The following FBXO33 variants were observed in gnomAD, a reference collection of about 807,000 sequenced individuals.
FBXO33 encodes the protein F-box only protein 33.
In FBXO33, 22 loss-of-function variants were observed where a neutral mutation model predicts 46.3. The observed-to-expected ratio is 0.48, with a 90% CI of 0.34 to 0.68. FBXO33 has a LOEUF of 0.68. Among genes scored for constraint, FBXO33 ranks in the 30% least tolerant of loss-of-function variants. FBXO33 has a pLI of 0.01. For missense variants in FBXO33, 692 were observed against 708.8 expected (o/e 0.98, Z 0.27); for synonymous variants, 337 against 291.3 (o/e 1.16, Z -1.60).
Position 39,402,495 on chromosome 14 carries a change from T to G in FBXO33, c.616A>C (p.Ser206Arg). ...AGAACACTTATGTCTCCAAAAAGACTAAACTTCTGAAGGTTCCTACAAGAA... is the reference window on the plus strand; with the variant it reads ...AGAACACTTATGTCTCCAAAAAGACGAAACTTCTGAAGGTTCCTACAAGAA... Reference protein sequence around the residue: ...IRNNRNLQKFSLFGDISVLQQ... With the variant: ...IRNNRNLQKFRLFGDISVLQQ... Residue 206 changes from serine to arginine, a missense_variant, in exon 2 of 4, where the codon AGT (serine) becomes CGT (arginine). Ser to Arg is a moderately radical substitution (Grantham distance 110, BLOSUM62 -1). This residue lies in a region of FBXO33 where 412 missense variants were observed against 370.8 expected (regional missense o/e 1.11). Transcript: ENST00000298097. 2.6e-6 allele frequency: 4 copies of G among 1,528,418 alleles called. No homozygotes were observed. Among genetic ancestry groups the G allele is most frequent in the Non-Finnish European group, 3.5e-6 (4 of 1,135,776 alleles). 94.7% of individuals were successfully genotyped at this position (1,528,418 alleles called of 1,614,324 possible). A position where few individuals can be genotyped will look rare whatever the true frequency, so the allele number is the denominator to read the frequency against.
At chr14:39,409,662 T>C (rs2075413839) in intron 1 of FBXO33, among the ~76,000 whole-genome samples, 1 of 152,210 alleles carries the variant, frequency 6.6e-6, no homozygotes, top group Non-Finnish European at 1.5e-5. Flanking sequence ...TAGACTGCTT[T>C]GGGTAGTATG....
chr14:39,410,888 G>A (rs772778301), intron 1 of FBXO33, among the ~76,000 whole-genome samples: 2 of 152,022 alleles, frequency 1.3e-5, no homozygotes, highest in Admixed American at 6.6e-5. Context: ...CTTTCACTTC[G>A]AGTCTTTTTT....
At chr14:39,428,799 A>T (rs958957696) in intron 1 of FBXO33, among the ~76,000 whole-genome samples, 6 of 152,186 alleles carry the variant, frequency 3.9e-5, no homozygotes, top group Non-Finnish European at 5.9e-5. Context: ...TGTTGTTTGC[A>T]CTTCTAGGTA....
intron 1 of FBXO33, among the ~76,000 whole-genome samples, chr14:39,429,429 C>A (rs1215239145): frequency 1.3e-5 from 2 of 152,148 alleles, no homozygotes; most frequent in African/African-American, 4.8e-5. Flanking sequence ...AAATAATAGG[C>A]TTTACTAGTC....
intron 1 of FBXO33, among the ~76,000 whole-genome samples, chr14:39,414,498 C>CTGTT (rs1327961854): frequency 2.6e-5 from 4 of 152,194 alleles, no homozygotes; most frequent in African/African-American, 9.7e-5. Context: ...CACAACTTGC[C>CTGTT]TGTTTGGTAC....
intron 1 of FBXO33, among the ~76,000 whole-genome samples, chr14:39,427,181 T>C (rs1266443985): frequency 6.6e-6 from 1 of 152,218 alleles, no homozygotes; most frequent in African/African-American, 2.4e-5. Flanking sequence ...ATTTTAACTT[T>C]TTTTTCCTTG....
At chr14:39,413,687 G>C (rs541420602) in intron 1 of FBXO33, among the ~76,000 whole-genome samples, 1 of 152,188 alleles carries the variant, frequency 6.6e-6, no homozygotes, top group Non-Finnish European at 1.5e-5. Flanking sequence ...CAGAACAGAT[G>C]CTGTGTTCGC....
rs2075568953 is a variant in FBXO33, at chr14:39,432,397, C to A, written c.-235G>T. 3.8e-6 allele frequency: 1 copy of A among 263,822 alleles called. No homozygotes were observed. The highest frequency in any genetic ancestry group is 7.1e-6 in the Non-Finnish European group (1 of 141,398). 16.3% of individuals were successfully genotyped at this position (263,822 alleles called of 1,614,324 possible). ...AAGGCGTACTGTAAGGAAAAGGCAGCCCTCCCTGCGCCGGTCGGCAGAGAC... is the reference window on the plus strand; with the variant it reads ...AAGGCGTACTGTAAGGAAAAGGCAGACCTCCCTGCGCCGGTCGGCAGAGAC... On this transcript the variant is annotated 5_prime_UTR_variant, in exon 1 of 4. Transcript: ENST00000298097.
chr14:39,411,830 C>T (rs2075424729), intron 1 of FBXO33, among the ~76,000 whole-genome samples: 1 of 152,068 alleles, frequency 6.6e-6, no homozygotes, highest in African/African-American at 2.4e-5. Flanking sequence ...CCTTGACTTC[C>T]CTTTTAATAT....
intron 1 of FBXO33, among the ~76,000 whole-genome samples, chr14:39,428,500 C>A (rs1039981576): frequency 6.6e-6 from 1 of 151,898 alleles, no homozygotes; most frequent in Non-Finnish European, 1.5e-5. Flanking sequence ...CCACCCCTGG[C>A]CAACGATATG....
In FBXO33 at chr14:39,399,148, A is replaced by G. The variant is rs1296941078; in HGVS notation, c.*368T>C. The stretch of plus-strand genomic sequence containing the variant: ...TACCAGGCTATGGATATATATCTAT[A>G]TATGTATAAAAATATTTTGGCTCCT... On this transcript the variant is annotated 3_prime_UTR_variant, in exon 4 of 4. Coordinates refer to ENST00000298097, the MANE Select transcript of FBXO33 (RefSeq NM_203301.4). 1.3e-5 allele frequency: 2 copies of G among 159,850 alleles called. No individual in the cohort carries two copies. The highest frequency in any genetic ancestry group is 1.8e-4 in the East Asian group (1 of 5,440). 9.9% of individuals were successfully genotyped at this position (159,850 alleles called of 1,614,324 possible).
At chr14:39,429,761 G>T (rs1249522126) in intron 1 of FBXO33, among the ~76,000 whole-genome samples, 1 of 152,168 alleles carries the variant, frequency 6.6e-6, no homozygotes, top group Non-Finnish European at 1.5e-5. Context: ...TTTTTGCATA[G>T]AAGTGATAGC....
chr14:39,404,076 T>C (rs1464600746), intron 1 of FBXO33, among the ~76,000 whole-genome samples: 3 of 152,218 alleles, frequency 2.0e-5, no homozygotes, highest in Non-Finnish European at 4.4e-5. Flanking sequence ...TCACATTTTC[T>C]CAAGTAAATC....
rs2075357809 is a variant in FBXO33, at chr14:39,399,321, T to C, written c.*195A>G. 4.1e-6 allele frequency: 2 copies of C among 483,554 alleles called. No homozygotes were observed. The highest frequency in any genetic ancestry group is 3.5e-5 in the Admixed American group (1 of 28,916). The allele number at this position is 483,554 out of a possible 1,614,324, so 30.0% of individuals were successfully genotyped here. A position where few individuals can be genotyped will look rare whatever the true frequency, so the allele number is the denominator to read the frequency against. Reference sequence around the variant, plus strand: ...AAGTCCATTAACCGTGAAAGCCCTATACATTGTCACTTTGAACTTCTAAAC... The same window carrying C: ...AAGTCCATTAACCGTGAAAGCCCTACACATTGTCACTTTGAACTTCTAAAC... On this transcript the variant is annotated 3_prime_UTR_variant, in exon 4 of 4. Transcript: ENST00000298097.
chr14:39,407,978 G>A (rs1461434520), intron 1 of FBXO33, among the ~76,000 whole-genome samples: 1 of 152,108 alleles, frequency 6.6e-6, no homozygotes. Flanking sequence ...TCTCACTCTC[G>A]TTGCCAAGGC....
rs1424970178 is a variant in FBXO33, at chr14:39,399,654, C to T, written c.1530G>A (p.Val510=). 1 of 1,614,040 alleles carries T rather than the reference C, an allele frequency of 6.2e-7. No individual in the cohort carries two copies. Reference sequence around the variant, plus strand: ...GGGATACCTGCTCAATAAGGTTATGCACTGGATCTACATCCTGGTCGGCCA... The same window carrying T: ...GGGATACCTGCTCAATAAGGTTATGTACTGGATCTACATCCTGGTCGGCCA... ...GELADQDVDP[V]HNLIEQVSLG... is the part of the protein sequence containing the mutation. Residue 510 remains valine, a synonymous_variant, in exon 4 of 4, where the codon GTG becomes GTA. Transcript: ENST00000298097.
chr14:39,432,234 A>G lies in FBXO33; in HGVS notation c.-72T>C. On this transcript the variant is annotated 5_prime_UTR_variant, in exon 1 of 4. Transcript: ENST00000298097. Reference sequence around the variant, plus strand: ...ACCAAGTAGAACACAAGTTGTGGAGAGGGGGAAAGGCCTCTGCGGGCGTGG... The same window carrying G: ...ACCAAGTAGAACACAAGTTGTGGAGGGGGGGAAAGGCCTCTGCGGGCGTGG... 1 of 1,142,838 alleles carries G rather than the reference A, an allele frequency of 8.8e-7. No homozygotes were observed. The highest frequency in any genetic ancestry group is 1.1e-6 in the Non-Finnish European group (1 of 923,714). 70.8% of individuals were successfully genotyped at this position (1,142,838 alleles called of 1,614,324 possible).
intron 1 of FBXO33, among the ~76,000 whole-genome samples, chr14:39,425,891 T>C (rs2075510552): frequency 6.6e-6 from 1 of 152,342 alleles, no homozygotes; most frequent in African/African-American, 2.4e-5. Context: ...GCTGCCATAT[T>C]TGACAGTACA....
chr14:39,416,342 T>C (rs747290343), intron 1 of FBXO33, among the ~76,000 whole-genome samples: 32 of 152,188 alleles, frequency 2.1e-4, no homozygotes, highest in Non-Finnish European at 4.1e-4. Context: ...TGTGTTGGTG[T>C]AGACCATTTT....
Sources: allele counts gnomAD v4.1 joint callset (sites outside exome capture counted in the v4.1 genomes callset), GRCh38; gene constraint gnomAD v4.1.1; regional missense constraint gnomAD v4.1.1; transcripts MANE v1.5; gene names NCBI Gene and HGNC (gene_info 2026-07-23, HGNC 2026-07-21).